PDGFRA: variants seen among roughly 807,000 people sequenced by gnomAD.
PDGFRA encodes the protein platelet-derived growth factor receptor alpha.
Under a neutral mutation model 121.5 loss-of-function variants are expected in PDGFRA, and 25 were observed. The observed-to-expected ratio is 0.21, with a 90% CI of 0.15 to 0.29. PDGFRA has a LOEUF of 0.29. PDGFRA is among the 10% of genes least tolerant of loss of function. The pLI is 1.00. For missense variants in PDGFRA, 1,008 were observed against 1,345.1 expected, an observed-to-expected ratio of 0.75 and a Z score of 3.92; for synonymous variants, 463 against 494.8, an observed-to-expected ratio of 0.94 and a Z score of 0.85.
intron 12 of PDGFRA, among the ~76,000 whole-genome samples, chr4:54,275,597 G>A (rs1723676171): frequency 6.6e-6 from 1 of 152,184 alleles, no homozygotes; most frequent in Non-Finnish European, 1.5e-5. Context: ...TAGAGGTAGA[G>A]GTTGTGTTAT....
chr4:54,287,026 T>A (rs551986696), intron 18 of PDGFRA, among the ~76,000 whole-genome samples: 1 of 152,304 alleles, frequency 6.6e-6, no homozygotes, highest in Non-Finnish European at 1.5e-5. Flanking sequence ...ATGCTGTGTG[T>A]GATTCATGTA....
intron 1 of PDGFRA, among the ~76,000 whole-genome samples, chr4:54,247,592 A>C (rs914538499): frequency 2.6e-5 from 4 of 152,036 alleles, no homozygotes; most frequent in African/African-American, 9.7e-5. Flanking sequence ...AGAGCTATCT[A>C]TGACAAACCC....
intron 19 of PDGFRA, 132 bp from the exon 20 acceptor site, chr4:54,288,667 A>G: frequency 1.4e-6 from 1 of 728,462 alleles, no homozygotes; most frequent in Admixed American, 2.0e-5. Context: ...ATGACACTGA[A>G]TTTTCTTGAA....
intron 1 of PDGFRA, among the ~76,000 whole-genome samples, chr4:54,244,297 G>A (rs1721489264): frequency 6.6e-6 from 1 of 152,204 alleles, no homozygotes. Flanking sequence ...CCCCTGAGCA[G>A]CCTAACTGGG....
At chr4:54,247,224 G>C (rs948787453) in intron 1 of PDGFRA, among the ~76,000 whole-genome samples, 17 of 152,164 alleles carry the variant, frequency 1.1e-4, no homozygotes, top group East Asian at 3.9e-4. Context: ...TTTTATGAGG[G>C]CAGCATCATC....
At chr4:54,256,327 A>G (rs10029499) in intron 1 of PDGFRA, among the ~76,000 whole-genome samples, 50,915 of 151,790 alleles carry the variant, frequency 0.34, 10,804 homozygotes, top group African/African-American at 0.6. Flanking sequence ...CTTCTACCTC[A>G]GGGGTTCAAG....
chr4:54,263,336 G>A (rs1042245030), intron 3 of PDGFRA, among the ~76,000 whole-genome samples: 1 of 151,986 alleles, frequency 6.6e-6, no homozygotes, highest in Non-Finnish European at 1.5e-5. Context: ...TGTTGCCCAG[G>A]CTGGTCTCAA....
Position 54,261,279 on chromosome 4 carries a change from C to A in PDGFRA, c.234C>A (p.Ser78Arg). ...AAATCAGAAATGAAGAAAACAACAGCGGCCTTTTTGTGACGGTCTTGGAAG... is the reference window on the plus strand; with the variant it reads ...AAATCAGAAATGAAGAAAACAACAGAGGCCTTTTTGTGACGGTCTTGGAAG... ...DVEIRNEENN[S>R]GLFVTVLEVS... Residue 78 changes from serine to arginine, a missense_variant, in exon 3 of 23, where the codon AGC becomes AGA. Physicochemically the swap from Ser to Arg is moderately radical, Grantham distance 110. This residue lies in a region of PDGFRA where 575 missense variants were observed against 701.8 expected (regional missense o/e 0.82). Coordinates refer to ENST00000257290, the MANE Select transcript of PDGFRA (RefSeq NM_006206.6). 1 of 1,614,114 alleles carries A rather than the reference C, an allele frequency of 6.2e-7. No individual in the cohort carries two copies. The highest frequency in any genetic ancestry group is 8.5e-7 in the Non-Finnish European group (1 of 1,180,012).
chr4:54,245,190 A>C (rs1386986451), intron 1 of PDGFRA, among the ~76,000 whole-genome samples: 13 of 150,602 alleles, frequency 8.6e-5, no homozygotes, highest in African/African-American at 1.7e-4. Flanking sequence ...AAGGCAGGCC[A>C]ACATTCAGAT....
At chr4:54,245,740 A>G (rs1188127056) in intron 1 of PDGFRA, among the ~76,000 whole-genome samples, 2 of 152,222 alleles carry the variant, frequency 1.3e-5, no homozygotes, top group African/African-American at 4.8e-5. Context: ...AAATGGACTA[A>G]ATGCTTCAAT....
chr4:54,243,463 G>A (rs1721423883), intron 1 of PDGFRA: 1 of 152,230 alleles, frequency 6.6e-6, no homozygotes, highest in Admixed American at 6.5e-5. Context: ...TTAAAGGATT[G>A]TTTTAAGTTT....
chr4:54,291,352 A>G (rs1481590678), intron 22 of PDGFRA, among the ~76,000 whole-genome samples: 1 of 152,256 alleles, frequency 6.6e-6, no homozygotes, highest in Non-Finnish European at 1.5e-5. Flanking sequence ...AAAAATAACT[A>G]CAATGCCGTT....
intron 22 of PDGFRA, among the ~76,000 whole-genome samples, 171 bp from the exon 23 acceptor site, chr4:54,294,954 C>T (rs1169435984): frequency 1.3e-5 from 2 of 152,178 alleles, no homozygotes; most frequent in Non-Finnish European, 2.9e-5. Flanking sequence ...ATGGGTGGAC[C>T]TTGGTTTTCC....
rs199544294 is a variant in PDGFRA, at chr4:54,285,838, C to T, written c.2440-3C>T. The stretch of plus-strand genomic sequence containing the variant: ...CTGAGTCATTTCTTCCTTTTCCATG[C>T]AGTGTGTCCACCGTGATCTGGCTGC... On this transcript the variant is annotated splice_polypyrimidine_tract_variant and splice_region_variant and intron_variant, in intron 17 of 22. Transcript: ENST00000257290. The T allele has an allele frequency of 5.7e-5, 92 of 1,613,854 alleles. No homozygotes were observed. Among genetic ancestry groups the T allele is most frequent in the Middle Eastern group, 1.6e-4 (1 of 6,080 alleles).
chr4:54,283,893 G>A (rs566622001), intron 16 of PDGFRA, among the ~76,000 whole-genome samples: 31 of 152,150 alleles, frequency 2.0e-4, no homozygotes, highest in African/African-American at 7.0e-4. Context: ...GAGCCACTGC[G>A]CCCAGCCTCT....
intron 12 of PDGFRA, among the ~76,000 whole-genome samples, chr4:54,275,764 A>C (rs1222103976): frequency 6.6e-6 from 1 of 152,210 alleles, no homozygotes; most frequent in Non-Finnish European, 1.5e-5. Context: ...CCTTTGCAAA[A>C]ATTGTAACTG....
intron 7 of PDGFRA, among the ~76,000 whole-genome samples, chr4:54,269,749 T>C (rs912409125): frequency 2.0e-5 from 3 of 151,760 alleles, no homozygotes; most frequent in Non-Finnish European, 2.9e-5. Flanking sequence ...TTCAAGCGAT[T>C]CTTCAGCTTC....
intron 1 of PDGFRA, among the ~76,000 whole-genome samples, chr4:54,254,748 A>G (rs148316230): frequency 6.6e-5 from 10 of 152,294 alleles, no homozygotes; most frequent in African/African-American, 2.4e-4. Context: ...AATTGTGGTA[A>G]ATCAGGCTGG....
Position 54,264,398 on chromosome 4 carries a change from T to A in PDGFRA, c.628+471T>A, listed in dbSNP as rs1722921025. 4 of 245,676 alleles carry A rather than the reference T, an allele frequency of 1.6e-5. No individual in the cohort carries two copies. In the South Asian group the frequency reaches 2.3e-4, roughly 14 times the overall value. The allele number at this position is 245,676 out of a possible 1,614,324, so 15.2% of individuals were successfully genotyped here. A position where few individuals can be genotyped will look rare whatever the true frequency, so the allele number is the denominator to read the frequency against. On this transcript the variant is annotated intron_variant, in intron 4 of 22. Coordinates refer to ENST00000257290, the MANE Select transcript of PDGFRA (RefSeq NM_006206.6). ...GTCAACAGATATTTCCTGAACACTA[T>A]ATTACATGGAGGAATGGGTAGCAGC...
Sources: allele counts gnomAD v4.1 joint callset (sites outside exome capture counted in the v4.1 genomes callset), GRCh38; gene constraint gnomAD v4.1.1; regional missense constraint gnomAD v4.1.1; transcripts MANE v1.5; gene names NCBI Gene and HGNC (gene_info 2026-07-23, HGNC 2026-07-21).